SDK1: variants seen among roughly 807,000 people sequenced by gnomAD.
SDK1 encodes protein sidekick-1.
Under a neutral mutation model 245.5 loss-of-function variants are expected in SDK1, and 157 were observed. That is an observed-to-expected ratio of 0.64 (90% CI 0.56 to 0.73). The LOEUF (loss-of-function observed/expected upper bound fraction) is 0.73, where lower values mean the gene tolerates loss of function less well. SDK1 is among the 30% of genes least tolerant of loss of function. The pLI is 0.00. For synonymous variants in SDK1, 1,647 were observed against 1,278.5 expected (o/e 1.29, Z -6.15); for missense variants, 3,583 against 3,002.3 (o/e 1.19, Z -4.52).
intron 4 of SDK1, among the ~76,000 whole-genome samples, chr7:3,787,683 A>C (rs1171857080): frequency 6.6e-6 from 1 of 152,124 alleles, no homozygotes; most frequent in African/African-American, 2.4e-5. Flanking sequence ...TTTCCTTATA[A>C]AATACTGGCC....
intron 1 of SDK1, among the ~76,000 whole-genome samples, chr7:3,426,381 G>T (rs931218034): frequency 1.1e-4 from 16 of 152,194 alleles, no homozygotes; most frequent in African/African-American, 3.9e-4. Context: ...TAGGTGTGGA[G>T]TTGGACAGGC....
chr7:3,968,070 C>G (rs1782213447), intron 10 of SDK1, among the ~76,000 whole-genome samples: 1 of 152,260 alleles, frequency 6.6e-6, no homozygotes, highest in African/African-American at 2.4e-5. Flanking sequence ...GTGTCAAGGA[C>G]TGGATGTGAA....
intron 5 of SDK1, among the ~76,000 whole-genome samples, chr7:3,901,541 T>A (rs997060863): frequency 3.9e-5 from 6 of 152,216 alleles, no homozygotes; most frequent in African/African-American, 1.4e-4. Context: ...GATGTCAACT[T>A]GTCCCATTAT....
At chr7:3,481,362 G>A (rs1310869263) in intron 1 of SDK1, among the ~76,000 whole-genome samples, 1 of 152,136 alleles carries the variant, frequency 6.6e-6, no homozygotes, top group East Asian at 1.9e-4. Flanking sequence ...GTACAGTTTC[G>A]TTTATTGAGT....
intron 30 of SDK1, among the ~76,000 whole-genome samples, chr7:4,153,627 T>C (rs1396309889): frequency 1.3e-5 from 2 of 152,280 alleles, no homozygotes; most frequent in Middle Eastern, 3.4e-3. Context: ...AAGGATATGA[T>C]ACATGAGCTT....
intron 5 of SDK1, among the ~76,000 whole-genome samples, chr7:3,871,522 C>G (rs1397284125): frequency 6.6e-6 from 1 of 152,184 alleles, no homozygotes; most frequent in Non-Finnish European, 1.5e-5. Flanking sequence ...GTTTATTTGG[C>G]TCATGGTTCT....
intron 4 of SDK1, among the ~76,000 whole-genome samples, chr7:3,750,425 C>A (rs10264350): frequency 0.07 from 10,695 of 152,234 alleles, 1,174 homozygotes; most frequent in African/African-American, 0.23. Context: ...AGAATCAACT[C>A]TTCAGTGATA....
intron 19 of SDK1, among the ~76,000 whole-genome samples, chr7:4,055,529 GTTT>G (rs1779138241): frequency 7.2e-6 from 1 of 139,614 alleles, no homozygotes; most frequent in African/African-American, 3.2e-5. Context: ...TTTTTGGTTT[GTTT>G]TTGTTGTTGT....
chr7:3,635,289 G>T (rs1028373932), intron 2 of SDK1, among the ~76,000 whole-genome samples: 4 of 152,098 alleles, frequency 2.6e-5, no homozygotes, highest in Non-Finnish European at 4.4e-5. Flanking sequence ...CTTTATAAAA[G>T]ATTTTATTAA....
chr7:4,122,984 T>C (rs1240195231), intron 25 of SDK1, among the ~76,000 whole-genome samples: 1 of 152,200 alleles, frequency 6.6e-6, no homozygotes, highest in Non-Finnish European at 1.5e-5. Flanking sequence ...ACGTGAGAAG[T>C]TCAGCTGCGT....
chr7:4,022,772 C>G (rs1317337113), intron 17 of SDK1, among the ~76,000 whole-genome samples: 1 of 145,320 alleles, frequency 6.9e-6, no homozygotes. Context: ...TTCTTTCTTT[C>G]TTTCTTTTTT....
At chr7:3,409,985 G>T (rs1221959148) in intron 1 of SDK1, among the ~76,000 whole-genome samples, 2 of 152,148 alleles carry the variant, frequency 1.3e-5, no homozygotes, top group Non-Finnish European at 2.9e-5. Context: ...GTGCTTCACA[G>T]ACATGCTGTC....
intron 5 of SDK1, among the ~76,000 whole-genome samples, chr7:3,826,895 G>C (rs2115067235): frequency 1.3e-5 from 2 of 152,232 alleles, no homozygotes; most frequent in African/African-American, 4.8e-5. Flanking sequence ...ATGAGTTTTA[G>C]AAGAGGAGTG....
chr7:3,812,691 T>A (rs982805669), intron 4 of SDK1, among the ~76,000 whole-genome samples: 3 of 152,200 alleles, frequency 2.0e-5, no homozygotes, highest in Admixed American at 6.5e-5. Flanking sequence ...CCCTCTCTGG[T>A]CATCTTTTGG....
At chr7:4,124,607 G>T (rs977089224) in intron 25 of SDK1, among the ~76,000 whole-genome samples, 4 of 152,166 alleles carry the variant, frequency 2.6e-5, no homozygotes, top group African/African-American at 9.7e-5. Flanking sequence ...CTGAGATACC[G>T]GAGGTTAGGA....
At chr7:3,659,703 T>G (rs2128658934) in intron 4 of SDK1, among the ~76,000 whole-genome samples, 1 of 152,298 alleles carries the variant, frequency 6.6e-6, no homozygotes, top group East Asian at 1.9e-4. Flanking sequence ...AAAACCAGGC[T>G]GCTTTGTGAA....
chr7:3,604,733 G>T (rs1781367949), intron 1 of SDK1, among the ~76,000 whole-genome samples: 1 of 151,170 alleles, frequency 6.6e-6, no homozygotes, highest in South Asian at 2.1e-4. Context: ...CTCCAGAGTA[G>T]CTGGGATTAC....
chr7:3,514,921 A>C (rs1261111577), intron 1 of SDK1, among the ~76,000 whole-genome samples: 1 of 152,224 alleles, frequency 6.6e-6, no homozygotes, highest in African/African-American at 2.4e-5. Context: ...TTTAAGTGTG[A>C]CAAGAGCAAA....
intron 35 of SDK1, among the ~76,000 whole-genome samples, chr7:4,197,283 C>T (rs1050752863): frequency 6.7e-6 from 1 of 149,750 alleles, no homozygotes; most frequent in African/African-American, 2.5e-5. Flanking sequence ...AGCAATGTAG[C>T]AAGACCTCAT....
Sources: allele counts gnomAD v4.1 joint callset (sites outside exome capture counted in the v4.1 genomes callset), GRCh38; gene constraint gnomAD v4.1.1; transcripts MANE v1.5; gene names NCBI Gene and HGNC (gene_info 2026-07-23, HGNC 2026-07-21).